TET1: variants seen among roughly 807,000 people sequenced by gnomAD.
TET1 encodes methylcytosine dioxygenase TET1.
A neutral mutation model predicts 148.7 loss-of-function variants in TET1; 13 were observed. The observed-to-expected ratio is 0.09, with a 90% CI of 0.06 to 0.14. The LOEUF is 0.14. Among genes scored for constraint, TET1 ranks in the 10% least tolerant of loss-of-function variants. The pLI is 1.00. For missense variants in TET1, 2,182 were observed against 2,553.8 expected (o/e 0.85, Z 3.14); for synonymous variants, 907 against 937.2 (o/e 0.97, Z 0.59).
intron 7 of TET1, among the ~76,000 whole-genome samples, chr10:68,670,611 A>G (rs1380360936): frequency 6.6e-6 from 1 of 152,206 alleles, no homozygotes; most frequent in Non-Finnish European, 1.5e-5. Context: ...TTTTAAAATA[A>G]TAGTACATAG....
chr10:68,613,141 C>A (rs1259199607), intron 3 of TET1, among the ~76,000 whole-genome samples: 2 of 152,202 alleles, frequency 1.3e-5, no homozygotes, highest in African/African-American at 4.8e-5. Flanking sequence ...TTCCTCAAAT[C>A]ATTGATCCAG....
intron 2 of TET1, among the ~76,000 whole-genome samples, chr10:68,575,938 T>C (rs1464671284): frequency 2.0e-5 from 3 of 149,574 alleles, no homozygotes; most frequent in Admixed American, 6.7e-5. Context: ...GAGAATGGCG[T>C]GAACCCGGGA....
At chr10:68,606,078 A>T (rs2054119182) in intron 3 of TET1, among the ~76,000 whole-genome samples, 1 of 152,166 alleles carries the variant, frequency 6.6e-6, no homozygotes, top group Non-Finnish European at 1.5e-5. Flanking sequence ...CTATTAAGCT[A>T]TAAATAGGCC....
intron 3 of TET1, among the ~76,000 whole-genome samples, chr10:68,607,974 G>C (rs2054149615): frequency 6.6e-6 from 1 of 151,416 alleles, no homozygotes; most frequent in African/African-American, 2.4e-5. Flanking sequence ...CTGTCACCAG[G>C]CTGGAGCACA....
At chr10:68,583,197 T>A (rs1055600798) in intron 2 of TET1, among the ~76,000 whole-genome samples, 1 of 152,178 alleles carries the variant, frequency 6.6e-6, no homozygotes, top group Non-Finnish European at 1.5e-5. Context: ...CAGATCTCTT[T>A]TTGTTGGTCA....
intron 8 of TET1, among the ~76,000 whole-genome samples, chr10:68,676,912 G>C (rs969959492): frequency 6.6e-6 from 1 of 152,136 alleles, no homozygotes; most frequent in Non-Finnish European, 1.5e-5. Context: ...AGATCCTGAG[G>C]CATTCTTAAA....
intron 3 of TET1, among the ~76,000 whole-genome samples, chr10:68,644,008 G>A (rs1020657524): frequency 2.6e-5 from 4 of 151,532 alleles, no homozygotes; most frequent in Admixed American, 1.3e-4. Flanking sequence ...GGGTTCAAGC[G>A]ATTCTTGTGC....
In TET1 at chr10:68,667,191, G is replaced by A. The variant is rs2055206462; in HGVS notation, c.4608G>A (p.Glu1536=). 1 of 1,613,980 alleles carries A rather than the reference G, an allele frequency of 6.2e-7. No homozygotes were observed. Among genetic ancestry groups the A allele is most frequent in the African/African-American group, 1.3e-5 (1 of 74,904 alleles). The change falls in exon 7 of 12, where the codon GAG becomes GAA. Residue 1536 remains glutamate (E), a synonymous_variant. Coordinates refer to ENST00000373644, the MANE Select transcript of TET1 (RefSeq NM_030625.3). ...PLPMADRLYT[E]LTENLKSYNG... ...CAATGGCCGACCGGCTATACACAGA[G>A]CTCACAGAGAATCTAAAGTCATACA...
chr10:68,569,835 T>G (rs2133677712), intron 1 of TET1, among the ~76,000 whole-genome samples: 1 of 152,272 alleles, frequency 6.6e-6, no homozygotes, highest in East Asian at 1.9e-4. Context: ...GGGGTGTGGT[T>G]TCTAATGTAG....
At chr10:68,580,215 A>C (rs1373945680) in intron 2 of TET1, among the ~76,000 whole-genome samples, 2 of 151,240 alleles carry the variant, frequency 1.3e-5, no homozygotes, top group African/African-American at 2.4e-5. Context: ...GGCATGAGCC[A>C]CTGTGCCCGG....
At chr10:68,680,479 G>A (rs1203184216) in intron 8 of TET1, among the ~76,000 whole-genome samples, 1 of 152,114 alleles carries the variant, frequency 6.6e-6, no homozygotes, top group African/African-American at 2.4e-5. Context: ...CAAGTAGCTG[G>A]GACTGCAAGT....
intron 2 of TET1, among the ~76,000 whole-genome samples, chr10:68,596,900 A>G (rs1238466732): frequency 6.6e-6 from 1 of 152,074 alleles, no homozygotes; most frequent in East Asian, 1.9e-4. Flanking sequence ...AGTATCCTAT[A>G]CAGTGAAAAC....
At chr10:68,565,021 C>CA (rs1275586239) in intron 1 of TET1, among the ~76,000 whole-genome samples, 2 of 151,586 alleles carry the variant, frequency 1.3e-5, no homozygotes, top group South Asian at 4.2e-4. Context: ...AGACCTGTCT[C>CA]AAAAAAACAA....
intron 3 of TET1, among the ~76,000 whole-genome samples, chr10:68,624,628 C>CTT (rs1448417065): frequency 2.6e-5 from 1 of 38,874 alleles, no homozygotes; most frequent in Non-Finnish European, 4.5e-5. Flanking sequence ...TTCTTTCTTT[C>CTT]TTTCTTTCTT....
chr10:68,595,609 C>CTTT (rs1564958558), intron 2 of TET1, among the ~76,000 whole-genome samples: 5 of 89,382 alleles, frequency 5.6e-5, no homozygotes, highest in African/African-American at 1.5e-4. Context: ...ACACACACAG[C>CTTT]TTCTTTTTTT....
At chr10:68,572,110 C>T (rs907349102) in intron 1 of TET1, 107 bp from the exon 2 acceptor site, 6 of 446,858 alleles carry the variant, frequency 1.3e-5, no homozygotes, top group Admixed American at 4.1e-5. Context: ...AGAATGAGAC[C>T]CTGTCTCAAA....
At chr10:68,564,459 CTGT>C (rs35483277) in intron 1 of TET1, among the ~76,000 whole-genome samples, 9,284 of 152,062 alleles carry the variant, frequency 0.061, 694 homozygotes, top group African/African-American at 0.18. Flanking sequence ...AAAAATTATT[CTGT>C]TGTTGTTTAG....
At chr10:68,602,646 G>A (rs960578131) in intron 3 of TET1, among the ~76,000 whole-genome samples, 3 of 152,206 alleles carry the variant, frequency 2.0e-5, no homozygotes, top group Non-Finnish European at 4.4e-5. Context: ...AATATGCCAT[G>A]TGTTGCTTTT....
intron 11 of TET1, among the ~76,000 whole-genome samples, chr10:68,690,285 A>G (rs765465262): frequency 2.0e-5 from 3 of 152,190 alleles, no homozygotes; most frequent in Non-Finnish European, 4.4e-5. Context: ...GCACTTATTT[A>G]TGCCTCTTTC....
Sources: gnomAD v4.1 joint callset for allele counts (sites outside exome capture counted in the v4.1 genomes callset) on GRCh38, gnomAD v4.1.1 for gene constraint, MANE v1.5 for transcripts, NCBI Gene and HGNC (gene_info 2026-07-23, HGNC 2026-07-21) for gene names.